The following CMSS1 variants were observed in gnomAD, a reference collection of about 807,000 sequenced individuals.
CMSS1 encodes protein CMSS1.
A neutral mutation model predicts 43.5 loss-of-function variants in CMSS1; 33 were observed. That is an observed-to-expected ratio of 0.76 (90% CI 0.57 to 1.01). The LOEUF (loss-of-function observed/expected upper bound fraction) is 1.01. CMSS1 is among the 50% of genes least tolerant of loss of function. The pLI, the probability that CMSS1 is intolerant of heterozygous loss-of-function variation, is 0.00. For missense variants in CMSS1, 313 were observed against 326.4 expected, an observed-to-expected ratio of 0.96 and a Z score of 0.32; for synonymous variants, 115 against 117.2, an observed-to-expected ratio of 0.98 and a Z score of 0.12.
intron 1 of CMSS1, among the ~76,000 whole-genome samples, chr3:100,101,852 C>T (rs575305468): frequency 2.5e-4 from 38 of 152,070 alleles, no homozygotes; most frequent in Middle Eastern, 6.8e-3. Context: ...TTCCCACCTA[C>T]GAGTGAGAAC....
chr3:99,913,224 A>T (rs1251890022), intron 1 of CMSS1, among the ~76,000 whole-genome samples: 1 of 152,226 alleles, frequency 6.6e-6, no homozygotes, highest in Non-Finnish European at 1.5e-5. Context: ...GTATTTTGTC[A>T]TCACAGCCCC....
intron 1 of CMSS1, chr3:99,926,047 A>C (rs1299018039): frequency 5.4e-6 from 1 of 183,814 alleles, no homozygotes; most frequent in Non-Finnish European, 1.0e-5. Context: ...GATAATGTTG[A>C]TTGATTTTTA....
chr3:99,867,159 A>G (rs1944559520), intron 1 of CMSS1, among the ~76,000 whole-genome samples: 1 of 152,212 alleles, frequency 6.6e-6, no homozygotes. Context: ...TCAACAGCAT[A>G]TCTGCTAGAG....
intron 1 of CMSS1, among the ~76,000 whole-genome samples, chr3:99,856,058 T>C (rs531915869): frequency 6.6e-6 from 1 of 152,316 alleles, no homozygotes; most frequent in Non-Finnish European, 1.5e-5. Flanking sequence ...CACTGCTCCA[T>C]CCATTGTTTG....
intron 2 of CMSS1, among the ~76,000 whole-genome samples, chr3:100,158,249 C>G (rs2066993195): frequency 6.6e-6 from 1 of 152,162 alleles, no homozygotes; most frequent in Non-Finnish European, 1.5e-5. Flanking sequence ...AAAATATGCT[C>G]TAGTTGCTTC....
chr3:99,916,483 C>T lies in CMSS1; in HGVS notation c.64+98440C>T, dbSNP rs1167239905. On this transcript the variant is annotated intron_variant, in intron 1 of 9. Coordinates refer to ENST00000421999, the MANE Select transcript of CMSS1 (RefSeq NM_032359.4). ...ACACACACACACACACACACACACA[C>T]ACGTTCTGTTTCTCTGGAGGACCCT... Among the ~76,000 whole-genome samples the T allele has an allele frequency of 3.5e-5, 5 of 144,620 alleles. No individual in the cohort carries two copies. In the Admixed American group the frequency reaches 3.5e-4, roughly 10 times the overall value. The allele number at this position is 144,620 out of a possible 152,430, so 94.9% of individuals were successfully genotyped here.
At chr3:100,005,645 TTG>T (rs1709965763) in intron 1 of CMSS1, among the ~76,000 whole-genome samples, 1 of 152,244 alleles carries the variant, frequency 6.6e-6, no homozygotes, top group African/African-American at 2.4e-5. Flanking sequence ...CCAGAAATAT[TTG>T]TTTTAATGGA....
intron 1 of CMSS1, among the ~76,000 whole-genome samples, chr3:100,056,436 A>T (rs1279301326): frequency 6.6e-6 from 1 of 152,240 alleles, no homozygotes; most frequent in Non-Finnish European, 1.5e-5. Context: ...TAAAATAAAT[A>T]AATTTCAGTG....
At chr3:100,121,596 C>G (rs2066622579) in intron 1 of CMSS1, among the ~76,000 whole-genome samples, 1 of 152,088 alleles carries the variant, frequency 6.6e-6, no homozygotes, top group South Asian at 2.1e-4. Flanking sequence ...AATAAACATA[C>G]ATGTGTGTAT....
intron 1 of CMSS1, among the ~76,000 whole-genome samples, chr3:100,115,913 C>T (rs1348029015): frequency 6.6e-6 from 1 of 152,104 alleles, no homozygotes; most frequent in African/African-American, 2.4e-5. Context: ...CTCTACGTTC[C>T]TTCAATCTTG....
intron 1 of CMSS1, among the ~76,000 whole-genome samples, chr3:99,852,439 ATTTAT>A (rs944710834): frequency 2.0e-5 from 3 of 151,320 alleles, no homozygotes; most frequent in Non-Finnish European, 4.4e-5. Flanking sequence ...AGAACTTTTT[ATTTAT>A]TTTATTTTAT....
chr3:99,978,136 A>G (rs1263054513), intron 1 of CMSS1, among the ~76,000 whole-genome samples: 1 of 152,238 alleles, frequency 6.6e-6, no homozygotes, highest in Non-Finnish European at 1.5e-5. Context: ...ATAGTAAAGC[A>G]TTTAGAATTT....
At chr3:99,924,403 G>T (rs755586254) in intron 1 of CMSS1, 1 of 1,613,698 alleles carries the variant, frequency 6.2e-7, no homozygotes, top group Admixed American at 1.7e-5. Flanking sequence ...CCACAACTTT[G>T]TCCAACTACG....
At chr3:100,055,358 T>C (rs1478135320) in intron 1 of CMSS1, among the ~76,000 whole-genome samples, 2 of 152,180 alleles carry the variant, frequency 1.3e-5, no homozygotes, top group African/African-American at 4.8e-5. Flanking sequence ...ATCCAGGCGA[T>C]AGAAAATCAA....
chr3:99,862,458 T>C (rs1197207833), intron 1 of CMSS1, among the ~76,000 whole-genome samples: 1 of 152,352 alleles, frequency 6.6e-6, no homozygotes, highest in East Asian at 1.9e-4. Context: ...GTCATAATGA[T>C]TGTCATTTTA....
intron 1 of CMSS1, among the ~76,000 whole-genome samples, chr3:99,903,796 T>G (rs1201438773): frequency 2.6e-5 from 4 of 152,166 alleles, no homozygotes; most frequent in Non-Finnish European, 4.4e-5. Flanking sequence ...TTTACTAAGA[T>G]GCTTCATATA....
At chr3:99,924,202 G>T in intron 1 of CMSS1, 1 of 1,599,780 alleles carries the variant, frequency 6.3e-7, no homozygotes, top group Non-Finnish European at 8.5e-7. Context: ...TTGCAGAATG[G>T]GACATTGTTT....
At chr3:100,140,294 A>G (rs763946832) in intron 1 of CMSS1, among the ~76,000 whole-genome samples, 7 of 151,898 alleles carry the variant, frequency 4.6e-5, no homozygotes, top group African/African-American at 7.3e-5. Context: ...CTATTCCTCT[A>G]TTATTTTGGT....
chr3:100,013,258 GTTT>G (rs1710219280), intron 1 of CMSS1, among the ~76,000 whole-genome samples: 1 of 149,704 alleles, frequency 6.7e-6, no homozygotes, highest in East Asian at 2.0e-4. Context: ...TGTTGTTGTT[GTTT>G]GAGATGGAGT....
Sources: gnomAD v4.1 joint callset for allele counts (sites outside exome capture counted in the v4.1 genomes callset) on GRCh38, gnomAD v4.1.1 for gene constraint, MANE v1.5 for transcripts, NCBI Gene and HGNC (gene_info 2026-07-23, HGNC 2026-07-21) for gene names.